CD1A: variants seen among roughly 807,000 people sequenced by gnomAD.
CD1A encodes CD1a molecule.
A neutral mutation model predicts 38.3 loss-of-function variants in CD1A; 50 were observed. The observed-to-expected ratio is 1.30, with a 90% CI of 1.04 to 1.65. The LOEUF is 1.65. Ranked by LOEUF, CD1A falls within the 40% of genes most tolerant of loss-of-function variation. CD1A has a pLI of 0.00. For synonymous variants in CD1A, 160 were observed against 150.8 expected, an observed-to-expected ratio of 1.06 and a Z score of -0.45; for missense variants, 459 against 406.1, an observed-to-expected ratio of 1.13 and a Z score of -1.12.
chr1:158,255,861 T>C, intron 2 of CD1A, 143 bp from the exon 3 acceptor site: 1 of 727,740 alleles, frequency 1.4e-6, no homozygotes, highest in Non-Finnish European at 2.2e-6. Flanking sequence ...CCAATTCCTC[T>C]TTCTCTGAAT....
chr1:158,250,770 G>A (rs992735891), upstream of CD1A, among the ~76,000 whole-genome samples: 3 of 152,170 alleles, frequency 2.0e-5, no homozygotes, highest in African/African-American at 7.2e-5. Context: ...TTACCTTGGC[G>A]TGAAGTCTGC....
intron 2 of CD1A, 125 bp downstream of exon 2, chr1:158,255,475 A>T: frequency 9.5e-7 from 1 of 1,052,396 alleles, no homozygotes; most frequent in Non-Finnish European, 1.3e-6. Context: ...CCACCATAAA[A>T]CTGCAATTGC....
In CD1A at chr1:158,255,339, T is replaced by G; in HGVS notation, c.314T>G (p.Leu105Trp). The stretch of plus-strand genomic sequence containing the variant: ...GGAATTCGTAGATACGCCCATGAAT[T>G]GCAGTTTGAATGTGAGTTCAGTTTT... ...FEGIRRYAHELQFEYPFEIQV... is the reference protein window; with the variant it reads ...FEGIRRYAHEWQFEYPFEIQV... The change falls in exon 2 of 6, where the codon TTG (leucine) becomes TGG (tryptophan). Residue 105 changes from leucine to tryptophan, a missense_variant. Physicochemically the swap from Leu to Trp is moderately conservative, Grantham distance 61. Transcript: ENST00000289429. 2 of 1,613,706 alleles carry G rather than the reference T, an allele frequency of 1.2e-6. No individual in the cohort carries two copies. The highest frequency in any genetic ancestry group is 2.2e-5 in the South Asian group (2 of 91,078).
intron 3 of CD1A, among the ~76,000 whole-genome samples, chr1:158,256,494 C>T (rs1379940577): frequency 1.3e-5 from 2 of 152,082 alleles, no homozygotes; most frequent in South Asian, 2.1e-4. Context: ...CAGAGTGAGA[C>T]CAGTGTCTCT....
intron 3 of CD1A, 45 bp downstream of exon 3, chr1:158,256,327 A>C (rs1179632423): frequency 3.2e-6 from 5 of 1,560,192 alleles, no homozygotes; most frequent in African/African-American, 1.4e-5. Flanking sequence ...TTTGAAAATC[A>C]TACCCTTCCA....
chr1:158,257,456 G>T lies in CD1A; in HGVS notation c.919G>T (p.Val307Leu), dbSNP rs530156697. The T allele has an allele frequency of 1.9e-6, 3 of 1,614,022 alleles. No homozygotes were observed. Among genetic ancestry groups the T allele is most frequent in the Non-Finnish European group, 2.5e-6 (3 of 1,179,982 alleles). The change falls in exon 5 of 6, where the codon GTG becomes TTG. Residue 307 changes from valine to leucine, a missense_variant. Coordinates refer to ENST00000289429, the MANE Select transcript of CD1A (RefSeq NM_001763.3). ...HSSVGFIILA[V>L]IVPLLLLIGL... is the part of the protein sequence containing the mutation. ...TTCCGTGGGCTTCATCATCTTGGCG[G>T]TGATAGTGCCTTTACTTCTTCTGAT...
chr1:158,254,681 G>A lies in CD1A; in HGVS notation c.12G>A (p.Leu4=), dbSNP rs1416970200. The A allele has an allele frequency of 1.9e-6, 3 of 1,613,984 alleles. No individual in the cohort carries two copies. The highest frequency in any genetic ancestry group is 3.3e-5 in the Admixed American group (2 of 59,976). Residue 4 remains leucine (L), a synonymous_variant, in exon 1 of 6, where the codon TTG becomes TTA. Coordinates refer to ENST00000289429, the MANE Select transcript of CD1A (RefSeq NM_001763.3). MLF[L]LLPLLAVLPG... The stretch of plus-strand genomic sequence containing the variant: ...CATCTGCAAATGATATGCTGTTTTT[G>A]CTACTTCCATTGTTAGCTGTTCTCC...
At chr1:158,253,429 T>G (rs1375368982), upstream of CD1A, among the ~76,000 whole-genome samples, 5 of 152,230 alleles carry the variant, frequency 3.3e-5, no homozygotes, top group African/African-American at 1.2e-4. Context: ...CAGGATCTTT[T>G]ATGTAAATCT....
upstream of CD1A, among the ~76,000 whole-genome samples, chr1:158,253,352 A>G (rs76862335): frequency 2.0e-4 from 30 of 152,328 alleles, no homozygotes; most frequent in East Asian, 3.5e-3. Flanking sequence ...AAGACTTTGG[A>G]ATACTCCATT....
chr1:158,256,675 CAAAAA>C, intron 3 of CD1A, 106 bp from the exon 4 acceptor site: 3 of 1,109,988 alleles, frequency 2.7e-6, no homozygotes, highest in Non-Finnish European at 3.8e-6. Flanking sequence ...GACCCTGTCT[CAAAAA>C]AAAAAAAAAG....
rs764559498 is a variant in CD1A at position 158,256,074 on chromosome 1, GT to G, written c.398del (p.Leu133Ter). The part of the protein sequence containing the change: ...SGKVSGSFLQ[L>X]AYQGSDFVSF... The stretch of plus-strand genomic sequence containing the variant: ...GAAAGGTCTCAGGAAGCTTCTTGCA[GT>G]TAGCTTATCAAGGATCAGACTTTGT... On this transcript the variant is annotated frameshift_variant, in exon 3 of 6. Coordinates refer to ENST00000289429, the MANE Select transcript of CD1A (RefSeq NM_001763.3). LOFTEE classifies it high-confidence loss of function. 1 of 1,614,154 alleles carries G rather than the reference GT, an allele frequency of 6.2e-7. No homozygotes were observed. The highest frequency in any genetic ancestry group is 8.5e-7 in the Non-Finnish European group (1 of 1,180,010).
At chr1:158,254,783 C>T in intron 1 of CD1A, 56 bp downstream of exon 1, 1 of 918,196 alleles carries the variant, frequency 1.1e-6, no homozygotes, top group East Asian at 2.8e-5. Flanking sequence ...CTCTCTCTCT[C>T]TCTGTGTGTG....
upstream of CD1A, among the ~76,000 whole-genome samples, chr1:158,249,752 T>C (rs906454077): frequency 1.3e-5 from 2 of 152,216 alleles, no homozygotes; most frequent in Admixed American, 6.5e-5. Flanking sequence ...TTGTACCCCT[T>C]GGGCACAGGG....
At position 158,254,479 on chromosome 1, in the gene CD1A, A is replaced by G. The variant is rs191167156; in HGVS notation, c.-191A>G. 3,114 of 1,422,272 alleles carry G rather than the reference A, an allele frequency of 2.2e-3. 3 individuals are homozygous for G. Among genetic ancestry groups the G allele is most frequent in the Non-Finnish European group, 2.7e-3 (2,982 of 1,088,938 alleles). The allele number at this position is 1,422,272 out of a possible 1,614,324, so 88.1% of individuals were successfully genotyped here. ...TGGAACAGAGAGGAGAGTCAGAACC[A>G]GAGGGAAATGAGAGACTGAGTAGGC... On this transcript the variant is annotated 5_prime_UTR_variant, in exon 1 of 6. Coordinates refer to ENST00000289429, the MANE Select transcript of CD1A (RefSeq NM_001763.3).
At position 158,257,800 on chromosome 1, in the gene CD1A, C is replaced by A. The variant is rs1650312630; in HGVS notation, c.*110C>A. The A allele has an allele frequency of 3.3e-6, 3 of 917,062 alleles. No individual in the cohort carries two copies. Among genetic ancestry groups the A allele is most frequent in the Admixed American group, 2.2e-5 (1 of 45,090 alleles). 56.8% of individuals were successfully genotyped at this position (917,062 alleles called of 1,614,324 possible). A position where few individuals can be genotyped will look rare whatever the true frequency, so the allele number is the denominator to read the frequency against. On this transcript the variant is annotated 3_prime_UTR_variant, in exon 6 of 6. Coordinates refer to ENST00000289429, the MANE Select transcript of CD1A (RefSeq NM_001763.3). ...TCGTGATGATGACGTCCTCTCAACT[C>A]TCTTTGTAAAAATTTTGTTATTTTT...
Position 158,254,436 on chromosome 1 carries a change from G to T in CD1A, c.-234G>T. On this transcript the variant is annotated 5_prime_UTR_variant, in exon 1 of 6. Coordinates refer to ENST00000289429, the MANE Select transcript of CD1A (RefSeq NM_001763.3). The stretch of plus-strand genomic sequence containing the variant: ...GGGGAAGGTGAATAAGTTGGAGGTT[G>T]GTGACAAGGAGAGAAGCTGGAACAG... 1.5e-6 allele frequency: 2 copies of T among 1,362,574 alleles called. No individual in the cohort carries two copies. Among genetic ancestry groups the T allele is most frequent in the Non-Finnish European group, 1.9e-6 (2 of 1,054,776 alleles). The allele number at this position is 1,362,574 out of a possible 1,614,324, so 84.4% of individuals were successfully genotyped here. A position where few individuals can be genotyped will look rare whatever the true frequency, so the allele number is the denominator to read the frequency against.
At chr1:158,251,421 C>T (rs955418220), upstream of CD1A, among the ~76,000 whole-genome samples, 2 of 152,180 alleles carry the variant, frequency 1.3e-5, no homozygotes, top group Non-Finnish European at 2.9e-5. Context: ...CTGCAATAGT[C>T]TTCAAGTTCC....
chr1:158,248,701 C>CTAT, the CD1A span, among the ~76,000 whole-genome samples: 2 of 152,136 alleles, frequency 1.3e-5, no homozygotes, highest in South Asian at 4.1e-4. Flanking sequence ...CCTTCCTTAC[C>CTAT]TATTTTATCT....
rs563038316 is a variant in CD1A, at chr1:158,257,836, G to T, written c.*146G>T. ...AATTTTGTTATTTTTGCTTGTTTCT[G>T]ATTAATGATTGTTTGTCAATATAAG... On this transcript the variant is annotated 3_prime_UTR_variant, in exon 6 of 6. Transcript: ENST00000289429. 1.0e-5 allele frequency: 7 copies of T among 700,560 alleles called. No homozygotes were observed. Among genetic ancestry groups the T allele is most frequent in the Non-Finnish European group, 1.8e-5 (7 of 399,414 alleles). 43.4% of individuals were successfully genotyped at this position (700,560 alleles called of 1,614,324 possible). A position where few individuals can be genotyped will look rare whatever the true frequency, so the allele number is the denominator to read the frequency against.
Sources: gnomAD v4.1 joint callset for allele counts (sites outside exome capture counted in the v4.1 genomes callset) on GRCh38, gnomAD v4.1.1 for gene constraint, MANE v1.5 for transcripts, NCBI Gene and HGNC (gene_info 2026-07-23, HGNC 2026-07-21) for gene names.